The following RNF17 variants were observed in gnomAD, a reference collection of about 807,000 sequenced individuals.
RNF17 encodes ring finger protein 17, also known as spermatogenesis associated 23.
RNF17 carries 31 observed loss-of-function variants against 200.5 expected under a neutral mutation model. The ratio of observed to expected loss-of-function variants is 0.15; its 90% CI spans 0.12 to 0.21. The LOEUF (loss-of-function observed/expected upper bound fraction) is 0.21. Ranked by LOEUF, RNF17 falls within the 10% of genes least tolerant of loss-of-function variation. RNF17 has a pLI of 1.00. For missense variants in RNF17, 1,628 were observed against 1,905.1 expected (o/e 0.85, Z 2.71); for synonymous variants, 606 against 637.8 (o/e 0.95, Z 0.75).
intron 16 of RNF17, among the ~76,000 whole-genome samples, chr13:24,828,105 A>G (rs968099805): frequency 6.6e-6 from 1 of 152,362 alleles, no homozygotes; most frequent in Non-Finnish European, 1.5e-5. Flanking sequence ...CATTTTCATG[A>G]CACTAAGGAC....
intron 24 of RNF17, among the ~76,000 whole-genome samples, chr13:24,852,300 G>T (rs890866957): frequency 3.4e-4 from 51 of 152,016 alleles, no homozygotes; most frequent in African/African-American, 1.1e-3. Context: ...CACCTCGCCT[G>T]GCTAATTTTT....
intron 29 of RNF17, 107 bp downstream of exon 29, chr13:24,865,105 T>A: frequency 1.2e-6 from 1 of 827,724 alleles, no homozygotes; most frequent in Non-Finnish European, 1.9e-6. Flanking sequence ...ATATCTGATC[T>A]ATTAAGAGAG....
At chr13:24,809,931 T>G (rs949695656) in intron 15 of RNF17, among the ~76,000 whole-genome samples, 14 of 152,316 alleles carry the variant, frequency 9.2e-5, no homozygotes, top group Admixed American at 7.8e-4. Context: ...GTTGTTCAGT[T>G]TCCATGTAGT....
chr13:24,810,038 G>T (rs1212868454), intron 15 of RNF17, among the ~76,000 whole-genome samples: 1 of 151,846 alleles, frequency 6.6e-6, no homozygotes, highest in Non-Finnish European at 1.5e-5. Context: ...TTTTACATTT[G>T]CTGAGGAGAG....
chr13:24,802,916 C>T (rs1171792969), intron 14 of RNF17, among the ~76,000 whole-genome samples: 2 of 152,048 alleles, frequency 1.3e-5, no homozygotes, highest in East Asian at 1.9e-4. Flanking sequence ...ATTAACCAGG[C>T]GTGGTGGCAT....
At chr13:24,802,707 C>A (rs1885397543) in intron 14 of RNF17, 136 bp downstream of exon 14, 1 of 632,202 alleles carries the variant, frequency 1.6e-6, no homozygotes, top group East Asian at 2.9e-5. Context: ...TGCTCTTAGA[C>A]TTTTCTGAGT....
At chr13:24,865,324 T>G (rs1343732988) in intron 29 of RNF17, among the ~76,000 whole-genome samples, 1 of 152,208 alleles carries the variant, frequency 6.6e-6, no homozygotes, top group Non-Finnish European at 1.5e-5. Context: ...CAGAGGGCTC[T>G]TGCTCCAGAT....
At chr13:24,792,127 T>G (rs1219276646) in intron 9 of RNF17, among the ~76,000 whole-genome samples, 1 of 152,212 alleles carries the variant, frequency 6.6e-6, no homozygotes, top group African/African-American at 2.4e-5. Context: ...TATGTTCTTT[T>G]TGACATTTTC....
intron 17 of RNF17, among the ~76,000 whole-genome samples, chr13:24,831,546 T>C (rs1010459771): frequency 1.3e-5 from 2 of 152,256 alleles, no homozygotes; most frequent in Admixed American, 6.5e-5. Flanking sequence ...TCAGCAGTTA[T>C]AGAATCAGAC....
chr13:24,807,110 C>T (rs570359206), intron 15 of RNF17, among the ~76,000 whole-genome samples: 9 of 151,726 alleles, frequency 5.9e-5, no homozygotes, highest in African/African-American at 1.9e-4. Context: ...AATAAACATA[C>T]GTGTGCATGT....
At chr13:24,833,608 C>A (rs531401564) in intron 18 of RNF17, among the ~76,000 whole-genome samples, 2 of 152,178 alleles carry the variant, frequency 1.3e-5, no homozygotes, top group Admixed American at 6.5e-5. Context: ...TTTCTTGATT[C>A]CTCTTCTTTC....
the RNF17 span, among the ~76,000 whole-genome samples, chr13:24,887,561 T>A: frequency 6.6e-6 from 1 of 152,176 alleles, no homozygotes; most frequent in South Asian, 2.1e-4. Flanking sequence ...TGTCACTGTC[T>A]CCCATCACCC....
At position 24,796,291 on chromosome 13, in the gene RNF17, A is replaced by G. The variant is rs200680009; in HGVS notation, c.1395A>G (p.Glu465=). 209 of 1,588,122 alleles carry G rather than the reference A, an allele frequency of 1.3e-4. No homozygotes were observed. The highest frequency in any genetic ancestry group is 7.4e-5 in the Non-Finnish European group (86 of 1,168,524). The change falls in exon 11 of 36, where the codon GAA becomes GAG. Residue 465 remains glutamate, a synonymous_variant. Transcript: ENST00000255324. ...ACCTTGATCCTTCAGACATTTTGGA[A>G]CTAGGTAATGAAATATTAGTCCAAG... ...SSHLDPSDIL[E]LGARIFVSSI... is the part of the protein sequence containing the mutation.
chr13:24,791,236 T>C (rs1344828966), intron 9 of RNF17, among the ~76,000 whole-genome samples: 1 of 152,130 alleles, frequency 6.6e-6, no homozygotes, highest in Non-Finnish European at 1.5e-5. Flanking sequence ...CAGCAACTCA[T>C]GAGAACTAAA....
chr13:24,873,274 G>A lies in RNF17; in HGVS notation c.4448-840G>A, dbSNP rs185891664. On this transcript the variant is annotated intron_variant, in intron 32 of 35. Coordinates refer to ENST00000255324, the MANE Select transcript of RNF17 (RefSeq NM_031277.3). ...TAGCAACTCTGGGAATGGGAGAAAT[G>A]CCTTTCTTTGAAGCTTAATCCTTAG... Among the ~76,000 whole-genome samples the A allele has an allele frequency of 8.5e-5, 13 of 152,282 alleles. No individual in the cohort carries two copies. In the East Asian group the frequency reaches 2.5e-3, roughly 29 times the overall value.
chr13:24,796,338 AATAAT>A (rs781614153), intron 11 of RNF17, 43 bp downstream of exon 11: 2 of 1,375,616 alleles, frequency 1.5e-6, no homozygotes, highest in Non-Finnish European at 2.0e-6. Context: ...AATTTATTTA[AATAAT>A]ATAATAACTT....
chr13:24,777,952 A>G (rs187071505), intron 3 of RNF17, among the ~76,000 whole-genome samples: 4 of 152,266 alleles, frequency 2.6e-5, no homozygotes, highest in Admixed American at 2.6e-4. Context: ...TTGATGAGGT[A>G]ATATTGGTAT....
chr13:24,762,176 C>A (rs1297182149), upstream of RNF17, among the ~76,000 whole-genome samples: 1 of 151,980 alleles, frequency 6.6e-6, no homozygotes, highest in Non-Finnish European at 1.5e-5. Context: ...TTGAGAGCAG[C>A]CTGTGCAACA....
intron 12 of RNF17, among the ~76,000 whole-genome samples, 155 bp from the exon 13 acceptor site, chr13:24,800,211 A>G (rs1417977707): frequency 1.3e-5 from 2 of 152,108 alleles, no homozygotes; most frequent in African/African-American, 4.8e-5. Context: ...AGCTAAACTA[A>G]GTCTATATAG....
Sources: gnomAD v4.1 joint callset for allele counts (sites outside exome capture counted in the v4.1 genomes callset) on GRCh38, gnomAD v4.1.1 for gene constraint, MANE v1.5 for transcripts, NCBI Gene and HGNC (gene_info 2026-07-23, HGNC 2026-07-21) for gene names.